Variants in TMEM135 observed in about 807,000 individuals in gnomAD.
TMEM135 encodes the protein transmembrane protein 135, also known as peroxisomal membrane protein 52.
Under a neutral mutation model 60.3 loss-of-function variants are expected in TMEM135, and 30 were observed. The ratio of observed to expected loss-of-function variants is 0.50; its 90% CI spans 0.37 to 0.68. TMEM135 has a LOEUF of 0.68. Ranked by LOEUF, TMEM135 falls within the 30% of genes least tolerant of loss-of-function variation. The pLI is 0.00. For synonymous variants in TMEM135, 190 were observed against 186.7 expected (o/e 1.02, Z -0.14); for missense variants, 468 against 548.8 (o/e 0.85, Z 1.47).
chr11:87,214,873 A>G (rs1487533669), intron 5 of TMEM135, among the ~76,000 whole-genome samples: 1 of 152,136 alleles, frequency 6.6e-6, no homozygotes, highest in Non-Finnish European at 1.5e-5. Context: ...ATTGTAAAAT[A>G]TATTCTAGAG....
In TMEM135 at chr11:87,155,977, T is replaced by C. The variant is rs138473158; in HGVS notation, c.397-1364T>C. Among the ~76,000 whole-genome samples the C allele has an allele frequency of 2.8e-3, 428 of 152,354 alleles. 3 individuals are homozygous for C. Among genetic ancestry groups the C allele is most frequent in the African/African-American group, 9.9e-3 (410 of 41,594 alleles). On this transcript the variant is annotated intron_variant, in intron 4 of 14. Transcript: ENST00000305494. ...TCAAATGGACAGTATGTACTGTTTCTAGACTTTTTCTTACAAGGAAGTGGG... is the reference window on the plus strand; with the variant it reads ...TCAAATGGACAGTATGTACTGTTTCCAGACTTTTTCTTACAAGGAAGTGGG...
At chr11:87,168,832 G>C (rs1175878989) in intron 5 of TMEM135, among the ~76,000 whole-genome samples, 1 of 152,126 alleles carries the variant, frequency 6.6e-6, no homozygotes, top group Non-Finnish European at 1.5e-5. Flanking sequence ...ACTTGGTCCA[G>C]AGCTGAGTTC....
intron 6 of TMEM135, among the ~76,000 whole-genome samples, chr11:87,269,517 C>T (rs1941822840): frequency 6.6e-6 from 1 of 151,518 alleles, no homozygotes; most frequent in Non-Finnish European, 1.5e-5. Context: ...CACAACAGTC[C>T]CCAGAGTGTA....
chr11:87,327,572 T>G lies in TMEM135; in HGVS notation c.*6239T>G, dbSNP rs898485978. The G allele has an allele frequency of 2.2e-6, 1 of 451,328 alleles. No individual in the cohort carries two copies. Among genetic ancestry groups the G allele is most frequent in the African/African-American group, 2.0e-5 (1 of 49,742 alleles). 28.0% of individuals were successfully genotyped at this position (451,328 alleles called of 1,614,324 possible). On this transcript the variant is annotated 3_prime_UTR_variant, in exon 15 of 15. Transcript: ENST00000305494. ...GGATAGAGAGAGACACAGAGAGAGATATGAGAGGGGATTAAGGGAGTTGGC... is the reference window on the plus strand; with the variant it reads ...GGATAGAGAGAGACACAGAGAGAGAGATGAGAGGGGATTAAGGGAGTTGGC...
At chr11:87,173,522 C>G (rs1191296558) in intron 5 of TMEM135, among the ~76,000 whole-genome samples, 2 of 152,090 alleles carry the variant, frequency 1.3e-5, no homozygotes, top group African/African-American at 2.4e-5. Flanking sequence ...GTAAACAGAC[C>G]AGCAGCAAGC....
At chr11:87,041,283 A>ATT (rs36088444) in intron 1 of TMEM135, among the ~76,000 whole-genome samples, 1 of 145,638 alleles carries the variant, frequency 6.9e-6, no homozygotes, top group African/African-American at 2.5e-5. Flanking sequence ...TTCGGTTCTC[A>ATT]TTTTTTTTTT....
At chr11:87,059,082 C>CGTGTGCT in intron 1 of TMEM135, among the ~76,000 whole-genome samples, 1 of 152,044 alleles carries the variant, frequency 6.6e-6, no homozygotes, top group East Asian at 1.9e-4. Context: ...GGATTACAGG[C>CGTGTGCT]ACCCACCATC....
chr11:87,153,360 C>T (rs1339173188), intron 4 of TMEM135, among the ~76,000 whole-genome samples: 1 of 152,136 alleles, frequency 6.6e-6, no homozygotes, highest in African/African-American at 2.4e-5. Flanking sequence ...TTGACTAGAA[C>T]CTTCTTTCCT....
intron 4 of TMEM135, among the ~76,000 whole-genome samples, chr11:87,150,334 C>CT (rs1213341890): frequency 6.6e-6 from 1 of 152,094 alleles, no homozygotes; most frequent in Non-Finnish European, 1.5e-5. Context: ...GAGGCAACCA[C>CT]TTGCAGTCTT....
intron 6 of TMEM135, among the ~76,000 whole-genome samples, chr11:87,272,409 C>T (rs1318161733): frequency 6.6e-6 from 1 of 151,960 alleles, no homozygotes; most frequent in Non-Finnish European, 1.5e-5. Context: ...GTAAGATGAC[C>T]TCTGTGAACC....
At chr11:87,255,478 AAGTATCT>A (rs1941508037) in intron 6 of TMEM135, among the ~76,000 whole-genome samples, 2 of 152,190 alleles carry the variant, frequency 1.3e-5, no homozygotes, top group Non-Finnish European at 2.9e-5. Flanking sequence ...GTGACTCTTA[AAGTATCT>A]GCAAGAGCTG....
chr11:87,206,296 A>G (rs993312647), intron 5 of TMEM135, among the ~76,000 whole-genome samples: 3 of 152,196 alleles, frequency 2.0e-5, no homozygotes, highest in Non-Finnish European at 4.4e-5. Context: ...TATGTAGTTG[A>G]TAGAAATTGA....
chr11:87,296,858 T>C (rs1340486766), intron 7 of TMEM135, among the ~76,000 whole-genome samples: 1 of 151,946 alleles, frequency 6.6e-6, no homozygotes, highest in Non-Finnish European at 1.5e-5. Flanking sequence ...ATTGTAAAAA[T>C]GAAGTGTGAG....
chr11:87,132,120 A>G (rs143673772), intron 4 of TMEM135, among the ~76,000 whole-genome samples: 1 of 152,258 alleles, frequency 6.6e-6, no homozygotes, highest in East Asian at 1.9e-4. Context: ...ATCATATATT[A>G]CAATGTAATA....
At chr11:87,167,833 TGAG>T (rs1478318319) in intron 5 of TMEM135, among the ~76,000 whole-genome samples, 1 of 152,200 alleles carries the variant, frequency 6.6e-6, no homozygotes, top group African/African-American at 2.4e-5. Context: ...TACAATGAGT[TGAG>T]GAGGAGTACC....
In TMEM135 at chr11:87,217,645, C is replaced by T. The variant is rs553723860; in HGVS notation, c.463-18993C>T. On this transcript the variant is annotated intron_variant, in intron 5 of 14. Transcript: ENST00000305494. ...TGCTAAATATGCAAAGTTAGTTCGGCGTGGCGGCTCATGCCTGTAATCCCA... is the reference window on the plus strand; with the variant it reads ...TGCTAAATATGCAAAGTTAGTTCGGTGTGGCGGCTCATGCCTGTAATCCCA... Among the ~76,000 whole-genome samples the T allele has an allele frequency of 5.9e-5, 9 of 151,986 alleles. No homozygotes were observed. In the South Asian group the frequency reaches 1.3e-3, roughly 21 times the overall value.
chr11:87,131,049 TTGTGC>T (rs1235081978), intron 4 of TMEM135, among the ~76,000 whole-genome samples: 1 of 152,042 alleles, frequency 6.6e-6, no homozygotes, highest in Non-Finnish European at 1.5e-5. Context: ...ACCCTTCCTA[TTGTGC>T]TGATAGGCTT....
At chr11:87,058,764 C>T (rs948114111) in intron 1 of TMEM135, among the ~76,000 whole-genome samples, 36 of 151,520 alleles carry the variant, frequency 2.4e-4, no homozygotes, top group African/African-American at 2.4e-4. Flanking sequence ...GGACTACAGG[C>T]GCCCACCACC....
intron 2 of TMEM135, among the ~76,000 whole-genome samples, chr11:87,069,903 G>A (rs1192902675): frequency 2.0e-5 from 3 of 152,098 alleles, no homozygotes; most frequent in Admixed American, 6.6e-5. Flanking sequence ...CAGGTACGGT[G>A]GCTCACACCT....
Sources: allele counts gnomAD v4.1 joint callset (sites outside exome capture counted in the v4.1 genomes callset), GRCh38; gene constraint gnomAD v4.1.1; transcripts MANE v1.5; gene names NCBI Gene and HGNC (gene_info 2026-07-23, HGNC 2026-07-21).